The following TXNDC5 variants were observed in gnomAD, a reference collection of about 807,000 sequenced individuals.
TXNDC5 encodes the protein thioredoxin domain containing 5.
A neutral mutation model predicts 52.6 loss-of-function variants in TXNDC5; 44 were observed. The ratio of observed to expected loss-of-function variants is 0.84; its 90% CI spans 0.66 to 1.08. The LOEUF is 1.08. Among genes scored for constraint, TXNDC5 ranks in the 50% least tolerant of loss-of-function variants. The pLI is 0.00. For missense variants in TXNDC5, 600 were observed against 565.5 expected, an observed-to-expected ratio of 1.06 and a Z score of -0.62; for synonymous variants, 241 against 234.4, an observed-to-expected ratio of 1.03 and a Z score of -0.26.
intron 3 of TXNDC5, among the ~76,000 whole-genome samples, chr6:7,896,730 T>TG (rs1403077964): frequency 1.3e-5 from 2 of 152,230 alleles, no homozygotes; most frequent in Non-Finnish European, 2.9e-5. Flanking sequence ...CTCCATGAGA[T>TG]GTTCAAGGGC....
Position 7,885,984 on chromosome 6 carries a change from G to C in TXNDC5, c.1023C>G (p.Thr341=), listed in dbSNP as rs1259897753. 2.5e-6 allele frequency: 4 copies of C among 1,613,992 alleles called. No homozygotes were observed. The highest frequency in any genetic ancestry group is 3.4e-6 in the Non-Finnish European group (4 of 1,180,006). The change falls in exon 8 of 10, where the codon ACC becomes ACG. Residue 341 remains threonine, a synonymous_variant. Coordinates refer to ENST00000379757, the MANE Select transcript of TXNDC5 (RefSeq NM_030810.5). ...ACCATGGAGCATAAAACTTGATGAA[G>C]GTTATTCCTTCTGCAATGGTGTCAT... ...NFDDTIAEGI[T]FIKFYAPWCG...
chr6:7,891,025 GA>G (rs1760172239), intron 5 of TXNDC5, among the ~76,000 whole-genome samples: 1 of 152,194 alleles, frequency 6.6e-6, no homozygotes, highest in Non-Finnish European at 1.5e-5. Flanking sequence ...AGATTTTTAA[GA>G]AAGGAAATCT....
chr6:7,903,820 T>C (rs371661785), intron 2 of TXNDC5, among the ~76,000 whole-genome samples: 1 of 152,212 alleles, frequency 6.6e-6, no homozygotes, highest in African/African-American at 2.4e-5. Context: ...ACTTGGCACA[T>C]GGTGTGAATG....
chr6:7,901,339 C>T (rs922990386), intron 2 of TXNDC5, among the ~76,000 whole-genome samples: 3 of 152,192 alleles, frequency 2.0e-5, no homozygotes, highest in Non-Finnish European at 2.9e-5. Context: ...CTCCCGCTAA[C>T]GCTCTTCAGG....
intron 5 of TXNDC5, among the ~76,000 whole-genome samples, chr6:7,891,350 C>T (rs1236804586): frequency 1.3e-5 from 2 of 152,090 alleles, no homozygotes; most frequent in Non-Finnish European, 2.9e-5. Context: ...CTTTGCAGAA[C>T]GGGCTCTGGG....
intron 7 of TXNDC5, among the ~76,000 whole-genome samples, chr6:7,887,754 C>G (rs1314927687): frequency 1.3e-5 from 2 of 152,092 alleles, no homozygotes; most frequent in Non-Finnish European, 2.9e-5. Flanking sequence ...ACTCCAGCTC[C>G]TCTCTCACTC....
chr6:7,894,052 A>G (rs1760288837), intron 4 of TXNDC5, among the ~76,000 whole-genome samples: 1 of 152,244 alleles, frequency 6.6e-6, no homozygotes, highest in South Asian at 2.1e-4. Flanking sequence ...GTGGTATAGA[A>G]AGATCTTTTA....
chr6:7,909,227 G>A (rs1196108682), intron 1 of TXNDC5, among the ~76,000 whole-genome samples: 1 of 152,158 alleles, frequency 6.6e-6, no homozygotes, highest in Admixed American at 6.5e-5. Context: ...TTTTTCTTAG[G>A]GTACCTTTTC....
chr6:7,901,024 C>T (rs1760547933), intron 2 of TXNDC5, among the ~76,000 whole-genome samples: 1 of 152,150 alleles, frequency 6.6e-6, no homozygotes, highest in African/African-American at 2.4e-5. Context: ...TTAGTATCAG[C>T]ATACTGGCCT....
intron 2 of TXNDC5, among the ~76,000 whole-genome samples, chr6:7,903,597 T>C (rs1760638632): frequency 1.3e-5 from 2 of 152,188 alleles, no homozygotes; most frequent in East Asian, 3.8e-4. Flanking sequence ...AGCCTGGAGA[T>C]CCCTCCACTT....
chr6:7,904,514 T>C (rs931557052), intron 2 of TXNDC5, 60 bp downstream of exon 2: 162 of 1,593,876 alleles, frequency 1.0e-4, no homozygotes, highest in Middle Eastern at 5.1e-4. Flanking sequence ...AAAGTTTAAC[T>C]AGGACTTTCT....
intron 9 of TXNDC5, 150 bp downstream of exon 9, chr6:7,884,207 CTT>C: frequency 5.7e-6 from 6 of 1,045,118 alleles, no homozygotes; most frequent in Non-Finnish European, 8.3e-6. Context: ...GAGAGGATCT[CTT>C]TTGCTTCTCC....
Position 7,895,112 on chromosome 6 carries a change from C to T in TXNDC5, c.610G>A (p.Ala204Thr), listed in dbSNP as rs1760319624. The T allele has an allele frequency of 6.2e-7, 1 of 1,613,404 alleles. No homozygotes were observed. The highest frequency in any genetic ancestry group is 1.7e-5 in the Admixed American group (1 of 59,962). Residue 204 changes from alanine (A) to threonine (T), a missense_variant, in exon 4 of 10, where the codon GCA becomes ACA. Transcript: ENST00000379757. ...LSASNFELHV[A>T]QGDHFIKFFA... ...ATCAGGACGTCCCCCTTACCTTGTG[C>T]AACGTGCAGCTCAAAGTTGCTTGCT...
Position 7,889,492 on chromosome 6 carries a change from T to A in TXNDC5, c.819+3A>T. The A allele has an allele frequency of 3.7e-6, 6 of 1,613,186 alleles. No individual in the cohort carries two copies. The highest frequency in any genetic ancestry group is 5.1e-6 in the Non-Finnish European group (6 of 1,179,190). ...TTCTCAGTACTAAGAAGTGCAGACG[T>A]ACCTTTTTCCCATCTCGGAACCAGA... On this transcript the variant is annotated splice_donor_region_variant and intron_variant, in intron 6 of 9. Coordinates refer to ENST00000379757, the MANE Select transcript of TXNDC5 (RefSeq NM_030810.5).
chr6:7,884,038 T>C (rs977240911), intron 9 of TXNDC5, among the ~76,000 whole-genome samples: 5 of 152,222 alleles, frequency 3.3e-5, no homozygotes, highest in Admixed American at 2.0e-4. Flanking sequence ...TACAGACCAC[T>C]GGTCAATCAT....
chr6:7,885,817 G>A (rs879119754), intron 8 of TXNDC5, 144 bp downstream of exon 8: 86 of 636,484 alleles, frequency 1.4e-4, no homozygotes, highest in South Asian at 9.7e-4. Context: ...GCATGATAAC[G>A]GTTCCTTATT....
At chr6:7,902,755 T>C (rs939096222) in intron 2 of TXNDC5, among the ~76,000 whole-genome samples, 1 of 152,136 alleles carries the variant, frequency 6.6e-6, no homozygotes, top group African/African-American at 2.4e-5. Flanking sequence ...TTTTTGTTCT[T>C]TTTAATAACA....
chr6:7,900,787 CA>C (rs1469381615), intron 2 of TXNDC5, among the ~76,000 whole-genome samples: 1 of 152,116 alleles, frequency 6.6e-6, no homozygotes, highest in Non-Finnish European at 1.5e-5. Context: ...CCTCACATGG[CA>C]AAAGGGGAAA....
At chr6:7,908,925 T>C (rs538434727) in intron 1 of TXNDC5, among the ~76,000 whole-genome samples, 2 of 152,336 alleles carry the variant, frequency 1.3e-5, no homozygotes, top group East Asian at 3.9e-4. Flanking sequence ...GTAGTACACT[T>C]AATTGAAATA....
Sources: allele counts gnomAD v4.1 joint callset (sites outside exome capture counted in the v4.1 genomes callset), GRCh38; gene constraint gnomAD v4.1.1; transcripts MANE v1.5; gene names NCBI Gene and HGNC (gene_info 2026-07-23, HGNC 2026-07-21).